The following CTNNA2 variants were observed in gnomAD, a reference collection of about 807,000 sequenced individuals.
CTNNA2 encodes catenin alpha 2.
CTNNA2 carries 42 observed loss-of-function variants against 101.0 expected under a neutral mutation model. That is an observed-to-expected ratio of 0.42 (90% CI 0.32 to 0.54). The LOEUF (loss-of-function observed/expected upper bound fraction) is 0.54, where lower values mean the gene tolerates loss of function less well. CTNNA2 is among the 20% of genes least tolerant of loss of function. The pLI is 0.14. For missense variants in CTNNA2, 871 were observed against 1,223.1 expected (o/e 0.71, Z 4.29); for synonymous variants, 450 against 456.4 (o/e 0.99, Z 0.18).
At chr2:80,336,614 A>G (rs1464244645) in intron 7 of CTNNA2, among the ~76,000 whole-genome samples, 1 of 152,134 alleles carries the variant, frequency 6.6e-6, no homozygotes, top group Non-Finnish European at 1.5e-5. Flanking sequence ...TGCATCTCAA[A>G]CCCCTATATA....
At chr2:79,554,302 T>C (rs1674306386) in intron 1 of CTNNA2, among the ~76,000 whole-genome samples, 1 of 152,174 alleles carries the variant, frequency 6.6e-6, no homozygotes, top group South Asian at 2.1e-4. Flanking sequence ...TAAATTACTT[T>C]GCAACATTAT....
At chr2:79,199,182 T>G (rs1156310415) in intron 2 of CTNNA2, among the ~76,000 whole-genome samples, 2 of 152,106 alleles carry the variant, frequency 1.3e-5, no homozygotes, top group African/African-American at 4.8e-5. Context: ...AAGCAAAAAT[T>G]TTTCCCTACG....
At chr2:80,497,784 C>G (rs1440816222) in intron 9 of CTNNA2, among the ~76,000 whole-genome samples, 3 of 152,172 alleles carry the variant, frequency 2.0e-5, no homozygotes, top group African/African-American at 4.8e-5. Flanking sequence ...TGGGAAGCCT[C>G]TAAATACTGA....
At chr2:80,085,374 C>T (rs1699374907) in intron 7 of CTNNA2, among the ~76,000 whole-genome samples, 1 of 152,080 alleles carries the variant, frequency 6.6e-6, no homozygotes, top group African/African-American at 2.4e-5. Context: ...AAGCAGGTCA[C>T]ATTGCCATGC....
intron 7 of CTNNA2, among the ~76,000 whole-genome samples, chr2:79,922,369 G>C (rs1686723451): frequency 6.6e-6 from 1 of 152,128 alleles, no homozygotes; most frequent in Non-Finnish European, 1.5e-5. Context: ...GGAGGGATCA[G>C]TCCTGTGATC....
chr2:79,286,579 G>GC (rs1459588754), intron 2 of CTNNA2, among the ~76,000 whole-genome samples: 3 of 152,008 alleles, frequency 2.0e-5, no homozygotes, highest in Non-Finnish European at 2.9e-5. Flanking sequence ...TTGAATATTG[G>GC]CCCCCACTCT....
At chr2:80,548,341 T>A (rs1476641382) in intron 11 of CTNNA2, among the ~76,000 whole-genome samples, 1 of 152,196 alleles carries the variant, frequency 6.6e-6, no homozygotes, top group Non-Finnish European at 1.5e-5. Flanking sequence ...GGAATCATTT[T>A]AGAACTTACA....
At chr2:79,565,055 G>T (rs895702600) in intron 1 of CTNNA2, among the ~76,000 whole-genome samples, 1 of 152,060 alleles carries the variant, frequency 6.6e-6, no homozygotes, top group South Asian at 2.1e-4. Flanking sequence ...GGCAGTTGGG[G>T]AGAGCAAGGA....
In CTNNA2 at chr2:80,611,703, G is replaced by A. The variant is rs539243743; in HGVS notation, c.2430+3385G>A. On this transcript the variant is annotated intron_variant, in intron 17 of 18. Transcript: ENST00000402739. ...AGCTACCCAAAGATTTATACAGAGC[G>A]TATGATTCTGAACAATATTAGAAAT... 1.1e-4 allele frequency among the ~76,000 whole-genome samples: 16 copies of A among 151,574 alleles called. 1 individual carries two copies. The South Asian group carries it at 2.1e-3, about 20-fold the overall frequency.
intron 7 of CTNNA2, chr2:80,301,806 C>T (rs1676345337): frequency 6.5e-6 from 1 of 153,488 alleles, no homozygotes; most frequent in Admixed American, 6.5e-5. Context: ...TCCCCACCCA[C>T]CAAGGAAATT....
At chr2:79,936,644 C>A (rs1218365725) in intron 7 of CTNNA2, among the ~76,000 whole-genome samples, 1 of 152,078 alleles carries the variant, frequency 6.6e-6, no homozygotes, top group Admixed American at 6.5e-5. Flanking sequence ...ACTGGCATAA[C>A]CATTTTCCTT....
intron 7 of CTNNA2, among the ~76,000 whole-genome samples, chr2:80,353,786 T>C (rs1218335013): frequency 1.3e-5 from 2 of 152,306 alleles, no homozygotes; most frequent in East Asian, 3.9e-4. Context: ...AATGGCATTA[T>C]GCTTTGAAAA....
chr2:80,271,359 A>G (rs1673454145), intron 7 of CTNNA2, among the ~76,000 whole-genome samples: 1 of 151,912 alleles, frequency 6.6e-6, no homozygotes, highest in African/African-American at 2.4e-5. Flanking sequence ...GGTAAGAAGA[A>G]GGATCTTCCA....
Position 79,744,433 on chromosome 2 carries a change from A to C in CTNNA2, c.149A>C (p.Lys50Thr). ...AGCAACAAAGGCCCATCTGGTAAAA[A>C]GAAAGGGAGGTCAAAGAAAGCCCAT... is the stretch of plus-strand genomic sequence containing the variant. ...NTSNKGPSGK[K>T]KGRSKKAHVL... Residue 50 changes from lysine to threonine, a missense_variant, in exon 3 of 19, where the codon AAG becomes ACG. Lys to Thr is a moderately conservative substitution (Grantham distance 78). This residue lies in a region of CTNNA2 where 647 missense variants were observed against 831.5 expected (regional missense o/e 0.78). Coordinates refer to ENST00000402739, the MANE Select transcript of CTNNA2 (RefSeq NM_001282597.3). 6.2e-7 allele frequency: 1 copy of C among 1,614,036 alleles called. No homozygotes were observed.
chr2:79,694,463 T>A (rs772940426), intron 2 of CTNNA2, among the ~76,000 whole-genome samples: 3 of 152,024 alleles, frequency 2.0e-5, no homozygotes, highest in South Asian at 2.1e-4. Context: ...GAGCAAGGAA[T>A]GCTATGCACT....
chr2:80,143,588 T>C (rs1350370562), intron 7 of CTNNA2, among the ~76,000 whole-genome samples: 1 of 152,096 alleles, frequency 6.6e-6, no homozygotes, highest in African/African-American at 2.4e-5. Context: ...TACCCACCCA[T>C]GGACCCTCCC....
At chr2:80,403,280 C>A (rs2149382531) in intron 8 of CTNNA2, among the ~76,000 whole-genome samples, 1 of 152,312 alleles carries the variant, frequency 6.6e-6, no homozygotes, top group Non-Finnish European at 1.5e-5. Flanking sequence ...CTATGAAAAT[C>A]TTTATTGCAC....
At chr2:79,448,187 T>G (rs1041966385) in intron 4 of CTNNA2, among the ~76,000 whole-genome samples, 3 of 152,092 alleles carry the variant, frequency 2.0e-5, no homozygotes, top group Middle Eastern at 6.3e-3. Context: ...TGGTGAATCT[T>G]AAATAAGCTA....
At chr2:79,630,565 G>A (rs1313331886) in intron 1 of CTNNA2, among the ~76,000 whole-genome samples, 1 of 152,158 alleles carries the variant, frequency 6.6e-6, no homozygotes, top group East Asian at 1.9e-4. Context: ...CATAATGTAA[G>A]ACACAGAAAC....
Sources: gnomAD v4.1 joint callset for allele counts (sites outside exome capture counted in the v4.1 genomes callset) on GRCh38, gnomAD v4.1.1 for gene constraint, gnomAD v4.1.1 regional missense constraint, MANE v1.5 for transcripts, NCBI Gene and HGNC (gene_info 2026-07-23, HGNC 2026-07-21) for gene names.